COLEC12: variants seen among roughly 807,000 people sequenced by gnomAD.
COLEC12 encodes the protein collectin subfamily member 12, also known as collectin-12.
In COLEC12, 33 loss-of-function variants were observed where a neutral mutation model predicts 71.1. The ratio of observed to expected loss-of-function variants is 0.46; its 90% CI spans 0.35 to 0.62. COLEC12 has a LOEUF of 0.62. Among genes scored for constraint, COLEC12 ranks in the 20% least tolerant of loss-of-function variants. The pLI, the probability that COLEC12 is intolerant of heterozygous loss-of-function variation, is 0.00. For missense variants in COLEC12, 765 were observed against 916.1 expected (o/e 0.84, Z 2.13); for synonymous variants, 350 against 353.0 (o/e 0.99, Z 0.10).
intron 5 of COLEC12, among the ~76,000 whole-genome samples, chr18:342,074 T>C (rs1430569938): frequency 6.6e-6 from 1 of 152,324 alleles, no homozygotes; most frequent in East Asian, 1.9e-4. Flanking sequence ...TTTTTTTTCT[T>C]GAGACGGAGT....
At chr18:328,797 T>TAGATCCCTCTAGCATCTAGCTGATGCA (rs1165214995) in intron 8 of COLEC12, among the ~76,000 whole-genome samples, 2 of 152,230 alleles carry the variant, frequency 1.3e-5, no homozygotes, top group African/African-American at 4.8e-5. Flanking sequence ...TTGCTGATGC[T>TAGATCCCTCTAGCATCTAGCTGATGCA]AGATCCCTCT....
intron 1 of COLEC12, among the ~76,000 whole-genome samples, chr18:485,549 T>C (rs1280598628): frequency 1.3e-5 from 2 of 152,270 alleles, no homozygotes; most frequent in Admixed American, 6.5e-5. Flanking sequence ...ATATTTTGCT[T>C]ACCTATTTTG....
intron 5 of COLEC12, among the ~76,000 whole-genome samples, chr18:340,429 G>A (rs1914224861): frequency 6.6e-6 from 1 of 152,166 alleles, no homozygotes; most frequent in Admixed American, 6.5e-5. Context: ...ACGGTTCTGG[G>A]AGCCTTGAAA....
At chr18:422,235 C>T (rs1445532904) in intron 2 of COLEC12, among the ~76,000 whole-genome samples, 1 of 152,180 alleles carries the variant, frequency 6.6e-6, no homozygotes, top group African/African-American at 2.4e-5. Flanking sequence ...ACTTGGGGCA[C>T]CTTTAAGGGT....
chr18:356,720 G>A (rs1394945193), intron 3 of COLEC12, among the ~76,000 whole-genome samples: 6 of 152,172 alleles, frequency 3.9e-5, no homozygotes, highest in East Asian at 3.9e-4. Context: ...TCTGAATCAC[G>A]ACACCTTCTA....
At chr18:341,445 G>C (rs927433197) in intron 5 of COLEC12, among the ~76,000 whole-genome samples, 1 of 152,240 alleles carries the variant, frequency 6.6e-6, no homozygotes, top group Non-Finnish European at 1.5e-5. Context: ...AATGTGGACT[G>C]AGAAAATGAG....
chr18:364,088 T>C (rs1455751531), intron 2 of COLEC12, among the ~76,000 whole-genome samples: 1 of 152,270 alleles, frequency 6.6e-6, no homozygotes, highest in Admixed American at 6.5e-5. Context: ...ATTCAAATTC[T>C]GTGCATTTAC....
At chr18:326,788 T>A (rs1221062675) in intron 8 of COLEC12, among the ~76,000 whole-genome samples, 1 of 152,220 alleles carries the variant, frequency 6.6e-6, no homozygotes, top group East Asian at 1.9e-4. Flanking sequence ...CAAATATCAA[T>A]TAAGTCAAGT....
At chr18:350,897 T>G (rs543027663) in intron 3 of COLEC12, among the ~76,000 whole-genome samples, 114 of 149,840 alleles carry the variant, frequency 7.6e-4, no homozygotes, top group African/African-American at 2.7e-3. Context: ...GAAGTGGAGG[T>G]TGCAGTGAGC....
rs78410197 is a variant in COLEC12 at position 363,089 on chromosome 18, G to A, written c.59-5567C>T. Among the ~76,000 whole-genome samples, 251 of 152,198 alleles carry A rather than the reference G, an allele frequency of 1.6e-3. 6 individuals are homozygous for A. In the East Asian group the frequency reaches 0.043, roughly 26 times the overall value. On this transcript the variant is annotated intron_variant, in intron 2 of 9. Transcript: ENST00000400256. ...CCGTTTGCTGGTTGGGGGAATAATT[G>A]AAACGCTCCAGGAATGACAGTGCAA...
intron 2 of COLEC12, among the ~76,000 whole-genome samples, chr18:429,388 CTT>C (rs72117289): frequency 0.19 from 27,912 of 146,234 alleles, 2,848 homozygotes; most frequent in Middle Eastern, 0.25. Context: ...TTTTTTCTTT[CTT>C]TTTTTTTTTA....
At chr18:402,053 C>T (rs958152029) in intron 2 of COLEC12, among the ~76,000 whole-genome samples, 1 of 152,060 alleles carries the variant, frequency 6.6e-6, no homozygotes, top group African/African-American at 2.4e-5. Context: ...GCATTGTTAT[C>T]GGTTGAGGGT....
At chr18:363,530 T>A (rs1231742292) in intron 2 of COLEC12, among the ~76,000 whole-genome samples, 1 of 152,246 alleles carries the variant, frequency 6.6e-6, no homozygotes, top group Non-Finnish European at 1.5e-5. Flanking sequence ...TCATGTGGTT[T>A]TTTTACAGTT....
At chr18:485,602 T>G (rs1917504337) in intron 1 of COLEC12, among the ~76,000 whole-genome samples, 1 of 152,266 alleles carries the variant, frequency 6.6e-6, no homozygotes, top group African/African-American at 2.4e-5. Flanking sequence ...CCTCAGTAAC[T>G]GGCACAGAGC....
At chr18:466,536 T>C (rs1917091907) in intron 2 of COLEC12, among the ~76,000 whole-genome samples, 1 of 152,312 alleles carries the variant, frequency 6.6e-6, no homozygotes, top group Admixed American at 6.5e-5. Context: ...AAAATGTTTT[T>C]AGCCCACACA....
intron 8 of COLEC12, among the ~76,000 whole-genome samples, chr18:329,970 G>GGAATCTT (rs1336915242): frequency 6.6e-6 from 1 of 152,162 alleles, no homozygotes; most frequent in Non-Finnish European, 1.5e-5. Context: ...CCAGGGACTT[G>GGAATCTT]GGAGTCTGAG....
intron 1 of COLEC12, among the ~76,000 whole-genome samples, chr18:488,393 A>G (rs768628487): frequency 6.6e-6 from 1 of 152,172 alleles, no homozygotes; most frequent in Non-Finnish European, 1.5e-5. Context: ...ACTGGGTGAC[A>G]GAGCGTGACT....
At chr18:409,339 G>A (rs116121820) in intron 2 of COLEC12, among the ~76,000 whole-genome samples, 283 of 152,218 alleles carry the variant, frequency 1.9e-3, no homozygotes, top group African/African-American at 6.6e-3. Context: ...TCAGGAGTTC[G>A]AGACCAAACT....
intron 8 of COLEC12, among the ~76,000 whole-genome samples, chr18:326,105 T>C (rs929529561): frequency 7.9e-5 from 12 of 152,242 alleles, no homozygotes; most frequent in African/African-American, 2.4e-4. Context: ...GTTTCTAATA[T>C]ATGTAATTTA....
Sources: gnomAD v4.1 joint callset for allele counts (sites outside exome capture counted in the v4.1 genomes callset) on GRCh38, gnomAD v4.1.1 for gene constraint, MANE v1.5 for transcripts, NCBI Gene and HGNC (gene_info 2026-07-23, HGNC 2026-07-21) for gene names.